The following WDTC1 variants were observed in gnomAD, a reference collection of about 807,000 sequenced individuals.
The protein encoded by WDTC1 is WD and tetratricopeptide repeats protein 1.
A neutral mutation model predicts 76.0 loss-of-function variants in WDTC1; 12 were observed. The ratio of observed to expected loss-of-function variants is 0.16; its 90% CI spans 0.10 to 0.26. The LOEUF is 0.26. Among genes scored for constraint, WDTC1 ranks in the 10% least tolerant of loss-of-function variants. The pLI is 1.00. For synonymous variants in WDTC1, 326 were observed against 350.8 expected, an observed-to-expected ratio of 0.93 and a Z score of 0.79; for missense variants, 511 against 908.8, an observed-to-expected ratio of 0.56 and a Z score of 5.63.
intron 3 of WDTC1, among the ~76,000 whole-genome samples, chr1:27,271,925 C>T (rs2012879853): frequency 6.6e-6 from 1 of 150,752 alleles, no homozygotes; most frequent in African/African-American, 2.4e-5. Context: ...GCGTAAGCCA[C>T]TGCGCCCGGC....
At chr1:27,236,548 C>T (rs1198925812) in intron 1 of WDTC1, among the ~76,000 whole-genome samples, 1 of 152,000 alleles carries the variant, frequency 6.6e-6, no homozygotes, top group Non-Finnish European at 1.5e-5. Flanking sequence ...TTGAGGGTCA[C>T]GAGGGAAAGA....
chr1:27,234,510 G>C (rs1051188977), upstream of WDTC1: 6 of 353,976 alleles, frequency 1.7e-5, no homozygotes, highest in Admixed American at 9.5e-5. Flanking sequence ...CCGGGCGCGG[G>C]GGGGTAAGTG....
intron 7 of WDTC1, among the ~76,000 whole-genome samples, chr1:27,293,706 C>T (rs2013603076): frequency 6.6e-6 from 1 of 152,078 alleles, no homozygotes; most frequent in Non-Finnish European, 1.5e-5. Context: ...CATTCATGGG[C>T]TTGGTGACCA....
chr1:27,260,088 T>G (rs1056576192), intron 1 of WDTC1, among the ~76,000 whole-genome samples: 1 of 151,786 alleles, frequency 6.6e-6, no homozygotes, highest in African/African-American at 2.4e-5. Flanking sequence ...ATTTTTTTTG[T>G]TTTTTGTTTT....
At chr1:27,248,213 T>C (rs986324553) in intron 1 of WDTC1, among the ~76,000 whole-genome samples, 2 of 152,212 alleles carry the variant, frequency 1.3e-5, no homozygotes, top group Admixed American at 6.5e-5. Flanking sequence ...TTTTAGCTCT[T>C]TGAGGAATCT....
In WDTC1 at chr1:27,303,622, G is replaced by A. The variant is rs1229999217; in HGVS notation, c.1470G>A (p.Glu490=). The A allele has an allele frequency of 1.3e-6, 2 of 1,592,440 alleles. No homozygotes were observed. The highest frequency in any genetic ancestry group is 2.3e-5 in the South Asian group (2 of 87,960). ...CCTTTTCTGGATCTCTGCCCCCAGA[G>A]GAGAAGAAGGGACCTGGTGGCGGCG... ...TAALFSKNDG[E]EKKGPGGGAP... Residue 490 remains glutamate, a splice_region_variant and synonymous_variant, in exon 14 of 16, where the codon GAG becomes GAA. Coordinates refer to ENST00000319394, the MANE Select transcript of WDTC1 (RefSeq NM_001276252.2). This position sits in a 1 kb window ranked among gnomAD's most constrained non-coding sequence, Gnocchi z 4.8.
In WDTC1 at chr1:27,305,452, G is replaced by A. The variant is rs1029210545; in HGVS notation, c.1836+259G>A. Among the ~76,000 whole-genome samples, 4 of 152,222 alleles carry A rather than the reference G, an allele frequency of 2.6e-5. No homozygotes were observed. The highest frequency in any genetic ancestry group is 2.0e-4 in the Admixed American group (3 of 15,284). On this transcript the variant is annotated intron_variant, in intron 15 of 15. Transcript: ENST00000319394. This position sits in a 1 kb window ranked among gnomAD's most constrained non-coding sequence, Gnocchi z 4.6. ...TCTGGTAGGCCTAAGTTTGAATCCAGTCTCCTCACTCGCTGCCTGAGAGAC... is the reference window on the plus strand; with the variant it reads ...TCTGGTAGGCCTAAGTTTGAATCCAATCTCCTCACTCGCTGCCTGAGAGAC...
In WDTC1 at chr1:27,305,371, T is replaced by C. The variant is rs1391602070; in HGVS notation, c.1836+178T>C. Among the ~76,000 whole-genome samples the C allele has an allele frequency of 1.3e-5, 2 of 152,172 alleles. No individual in the cohort carries two copies. Among genetic ancestry groups the C allele is most frequent in the Non-Finnish European group, 2.9e-5 (2 of 68,026 alleles). On this transcript the variant is annotated intron_variant, in intron 15 of 15. Coordinates refer to ENST00000319394, the MANE Select transcript of WDTC1 (RefSeq NM_001276252.2). The surrounding 1 kb of genome is among the most constrained non-coding windows in gnomAD (Gnocchi z 4.6). ...CCAGAAGCTCCAAATGCAGCAGCAA[T>C]TCTCCAGAAGCTGTGCAGAGGCCCT... is the stretch of plus-strand genomic sequence containing the variant.
At chr1:27,260,253 C>T (rs988327755) in intron 1 of WDTC1, among the ~76,000 whole-genome samples, 6 of 152,168 alleles carry the variant, frequency 3.9e-5, no homozygotes, top group Non-Finnish European at 7.4e-5. Flanking sequence ...TACAGGCACC[C>T]GCCACCACAC....
At chr1:27,246,862 A>ATTTT (rs557734769) in intron 1 of WDTC1, among the ~76,000 whole-genome samples, 4 of 89,206 alleles carry the variant, frequency 4.5e-5, no homozygotes, top group South Asian at 3.4e-4. Flanking sequence ...ACGCCCAGCC[A>ATTTT]TTTTTTTTTT....
intron 5 of WDTC1, among the ~76,000 whole-genome samples, chr1:27,284,858 T>C (rs1225679696): frequency 6.6e-6 from 1 of 151,990 alleles, no homozygotes; most frequent in African/African-American, 2.4e-5. Context: ...GCGCTCCCCC[T>C]GGTGGTGACT....
Position 27,263,055 on chromosome 1 carries a change from C to T in WDTC1, c.49-97C>T, listed in dbSNP as rs999477744. On this transcript the variant is annotated intron_variant, in intron 2 of 15. Coordinates refer to ENST00000319394, the MANE Select transcript of WDTC1 (RefSeq NM_001276252.2). The stretch of plus-strand genomic sequence containing the variant: ...CAGTTCCTTGTTGTCTTCTTTAGCT[C>T]CTGTGGTGCCCAGGAAAGAGCTGGA... 11 of 1,309,096 alleles carry T rather than the reference C, an allele frequency of 8.4e-6. No homozygotes were observed. In the South Asian group the frequency reaches 1.0e-4, roughly 12 times the overall value. 81.1% of individuals were successfully genotyped at this position (1,309,096 alleles called of 1,614,324 possible). A position where few individuals can be genotyped will look rare whatever the true frequency, so the allele number is the denominator to read the frequency against.
chr1:27,245,189 C>T (rs2011785828), intron 1 of WDTC1, among the ~76,000 whole-genome samples: 1 of 151,784 alleles, frequency 6.6e-6, no homozygotes, highest in African/African-American at 2.4e-5. Flanking sequence ...TTCATAGCAG[C>T]ATTATTCATA....
chr1:27,241,773 G>A (rs1278753873), intron 1 of WDTC1, among the ~76,000 whole-genome samples: 1 of 152,126 alleles, frequency 6.6e-6, no homozygotes, highest in Non-Finnish European at 1.5e-5. Context: ...AGGTAATTGT[G>A]AGGCCTAAGA....
At chr1:27,271,021 C>T (rs1026610326) in intron 3 of WDTC1, among the ~76,000 whole-genome samples, 16 of 151,924 alleles carry the variant, frequency 1.1e-4, no homozygotes, top group African/African-American at 2.9e-4. Context: ...ATAATTTTTG[C>T]CAATTTTGGT....
intron 5 of WDTC1, among the ~76,000 whole-genome samples, chr1:27,285,323 C>T (rs2013301489): frequency 2.0e-5 from 3 of 152,094 alleles, no homozygotes; most frequent in Non-Finnish European, 4.4e-5. Flanking sequence ...AGGCATGAGC[C>T]ACAGTGCCTG....
intron 1 of WDTC1, among the ~76,000 whole-genome samples, chr1:27,249,006 A>G (rs1214164363): frequency 6.6e-6 from 1 of 152,094 alleles, no homozygotes; most frequent in African/African-American, 2.4e-5. Flanking sequence ...AGTGGCTCAC[A>G]CCTGTAATTC....
Position 27,303,812 on chromosome 1 carries a change from A to T in WDTC1, c.1643+17A>T. 1 of 1,613,664 alleles carries T rather than the reference A, an allele frequency of 6.2e-7. No individual in the cohort carries two copies. Among genetic ancestry groups the T allele is most frequent in the Non-Finnish European group, 8.5e-7 (1 of 1,179,838 alleles). On this transcript the variant is annotated intron_variant, in intron 14 of 15. Transcript: ENST00000319394. The surrounding 1 kb of genome is among the most constrained non-coding windows in gnomAD (Gnocchi z 4.8). The stretch of plus-strand genomic sequence containing the variant: ...CTTTGGCAGGTCCGAGGCCCTGAAG[A>T]GGAGGGTGCAGCCCAGTTGGCAGCG...
At position 27,296,434 on chromosome 1, in the gene WDTC1, C is replaced by T. The variant is rs756558850; in HGVS notation, c.949+33C>T. The T allele has an allele frequency of 1.3e-5, 21 of 1,610,592 alleles. No homozygotes were observed. The Admixed American group carries it at 1.3e-4, about 10-fold the overall frequency. On this transcript the variant is annotated intron_variant, in intron 10 of 15. Transcript: ENST00000319394. Reference sequence around the variant, plus strand: ...CTCCCTTAGGGTATCTCTACTGCGGCGGTGTAGGGGAGCTTAAGTGCATGC... The same window carrying T: ...CTCCCTTAGGGTATCTCTACTGCGGTGGTGTAGGGGAGCTTAAGTGCATGC...
Sources: allele counts gnomAD v4.1 joint callset (sites outside exome capture counted in the v4.1 genomes callset), GRCh38; gene constraint gnomAD v4.1.1; non-coding constraint Gnocchi (gnomAD v3.1); transcripts MANE v1.5; gene names NCBI Gene and HGNC (gene_info 2026-07-23, HGNC 2026-07-21).